The following ATP8B4 variants were observed in gnomAD, a reference collection of about 807,000 sequenced individuals.
ATP8B4 encodes probable phospholipid-transporting ATPase IM.
A neutral mutation model predicts 145.6 loss-of-function variants in ATP8B4; 133 were observed. That is an observed-to-expected ratio of 0.91 (90% confidence interval 0.79 to 1.05). The LOEUF (loss-of-function observed/expected upper bound fraction) is 1.05. ATP8B4 is among the 50% of genes least tolerant of loss of function. The pLI is 0.00. For missense variants in ATP8B4, 1,458 were observed against 1,425.2 expected, an observed-to-expected ratio of 1.02 and a Z score of -0.37; for synonymous variants, 507 against 492.9, an observed-to-expected ratio of 1.03 and a Z score of -0.38.
intron 14 of ATP8B4, among the ~76,000 whole-genome samples, chr15:49,944,171 A>G (rs2042383093): frequency 6.6e-6 from 1 of 152,314 alleles, no homozygotes; most frequent in East Asian, 1.9e-4. Context: ...GAACTACTAT[A>G]TAACAGAAAA....
At chr15:49,958,689 CTT>C (rs1199934712) in intron 14 of ATP8B4, among the ~76,000 whole-genome samples, 2 of 151,824 alleles carry the variant, frequency 1.3e-5, no homozygotes, top group Non-Finnish European at 2.9e-5. Context: ...ATTTAAAAGA[CTT>C]ATGAGAGCTT....
intron 6 of ATP8B4, among the ~76,000 whole-genome samples, chr15:50,016,386 A>C (rs1241116032): frequency 1.3e-5 from 2 of 152,208 alleles, no homozygotes; most frequent in Non-Finnish European, 1.5e-5. Flanking sequence ...GAACTATCTT[A>C]GATTGACCAT....
intron 1 of ATP8B4, among the ~76,000 whole-genome samples, chr15:50,170,092 C>A (rs576487490): frequency 1.1e-4 from 17 of 152,100 alleles, no homozygotes; most frequent in African/African-American, 4.1e-4. Context: ...TTCTAAAAGC[C>A]TGGAAAATAT....
At chr15:49,923,852 C>T (rs2040474589) in intron 16 of ATP8B4, among the ~76,000 whole-genome samples, 1 of 152,148 alleles carries the variant, frequency 6.6e-6, no homozygotes, top group Non-Finnish European at 1.5e-5. Context: ...ATTTGCCTGT[C>T]TCCTGGTGTG....
rs148147912 is a variant in ATP8B4 at position 49,953,332 on chromosome 15, G to A, written c.1287+8645C>T. On this transcript the variant is annotated intron_variant, in intron 14 of 27. Coordinates refer to ENST00000284509, the MANE Select transcript of ATP8B4 (RefSeq NM_024837.4). ...GAGGAGAGGCTAAGTCTGCTGGTGC[G>A]CAGAGACTGCGGCCACCCCTCCCCC... Among the ~76,000 whole-genome samples the A allele has an allele frequency of 4.0e-3, 613 of 152,294 alleles. 14 individuals are homozygous for A. Among genetic ancestry groups the A allele is most frequent in the East Asian group, 0.014 (72 of 5,156 alleles).
chr15:50,070,604 T>C (rs137913049), intron 3 of ATP8B4, among the ~76,000 whole-genome samples: 170 of 152,320 alleles, frequency 1.1e-3, no homozygotes, highest in African/African-American at 4.0e-3. Context: ...TGAGCCACAA[T>C]GGAAGTCCTT....
chr15:49,980,034 A>G (rs2046017167), intron 11 of ATP8B4, among the ~76,000 whole-genome samples: 1 of 152,200 alleles, frequency 6.6e-6, no homozygotes, highest in South Asian at 2.1e-4. Context: ...AGATGGGAAC[A>G]GTCATTATCC....
At chr15:50,170,998 C>T (rs965915376) in intron 1 of ATP8B4, among the ~76,000 whole-genome samples, 1 of 152,170 alleles carries the variant, frequency 6.6e-6, no homozygotes, top group Non-Finnish European at 1.5e-5. Context: ...CCTTGTTCAA[C>T]AGGAAAATAT....
At chr15:49,978,467 C>G (rs970727247) in intron 12 of ATP8B4, among the ~76,000 whole-genome samples, 2 of 152,122 alleles carry the variant, frequency 1.3e-5, no homozygotes, top group African/African-American at 4.8e-5. Flanking sequence ...TGACCACTAC[C>G]CAAAACAAGG....
At chr15:50,074,088 C>T in intron 3 of ATP8B4, 39 bp downstream of exon 3, 1 of 1,571,596 alleles carries the variant, frequency 6.4e-7, no homozygotes. Flanking sequence ...TTAGGTAAGA[C>T]CTATCCTAGT....
intron 1 of ATP8B4, among the ~76,000 whole-genome samples, chr15:50,110,598 C>G (rs1344926974): frequency 6.6e-6 from 1 of 152,162 alleles, no homozygotes; most frequent in Non-Finnish European, 1.5e-5. Flanking sequence ...GAAATTTAAC[C>G]CTTTACAAGT....
chr15:50,014,557 A>G (rs550391268), intron 6 of ATP8B4, among the ~76,000 whole-genome samples: 23 of 152,358 alleles, frequency 1.5e-4, no homozygotes, highest in African/African-American at 5.0e-4. Context: ...CTTCATGTAT[A>G]GAGCGCCAAA....
chr15:49,916,889 C>T (rs1208856979), intron 20 of ATP8B4, 45 bp downstream of exon 20: 2 of 1,542,514 alleles, frequency 1.3e-6, no homozygotes, highest in Non-Finnish European at 1.8e-6. Flanking sequence ...TTTTCCCTCC[C>T]TCCCTCTCGT....
At chr15:50,129,183 T>G (rs376335767) in intron 1 of ATP8B4, among the ~76,000 whole-genome samples, 3 of 151,098 alleles carry the variant, frequency 2.0e-5, no homozygotes, top group East Asian at 3.9e-4. Context: ...ATGCAATCTG[T>G]TTTTTTTTCT....
At chr15:50,174,319 T>C (rs1049036039) in intron 1 of ATP8B4, among the ~76,000 whole-genome samples, 8 of 151,990 alleles carry the variant, frequency 5.3e-5, no homozygotes, top group Non-Finnish European at 1.2e-4. Flanking sequence ...GAAAGAAATA[T>C]AGAGCATCCA....
intron 2 of ATP8B4, among the ~76,000 whole-genome samples, chr15:50,103,613 C>T (rs1239625446): frequency 6.6e-6 from 1 of 152,086 alleles, no homozygotes; most frequent in Non-Finnish European, 1.5e-5. Flanking sequence ...GAAACACATG[C>T]TCATGGATGG....
chr15:50,168,028 C>T (rs1297002165), intron 1 of ATP8B4, among the ~76,000 whole-genome samples: 2 of 151,518 alleles, frequency 1.3e-5, no homozygotes, highest in East Asian at 3.9e-4. Context: ...ATGAGATCAA[C>T]TAGATAGAAA....
chr15:50,099,651 GAACA>G (rs1161378682), intron 2 of ATP8B4, among the ~76,000 whole-genome samples: 1 of 152,152 alleles, frequency 6.6e-6, no homozygotes, highest in African/African-American at 2.4e-5. Flanking sequence ...GAATTTCAAA[GAACA>G]AACAGAAAAT....
chr15:50,110,560 A>C (rs2153670927), intron 1 of ATP8B4, among the ~76,000 whole-genome samples: 1 of 152,388 alleles, frequency 6.6e-6, no homozygotes, highest in East Asian at 1.9e-4. Flanking sequence ...AGTCAAGTCT[A>C]GCTCTAGAAG....
Sources: gnomAD v4.1 joint callset for allele counts (sites outside exome capture counted in the v4.1 genomes callset) on GRCh38, gnomAD v4.1.1 for gene constraint, MANE v1.5 for transcripts, NCBI Gene and HGNC (gene_info 2026-07-23, HGNC 2026-07-21) for gene names.